KLF5: variants seen among roughly 807,000 people sequenced by gnomAD.
KLF5 encodes the protein Krueppel-like factor 5.
In KLF5, 9 loss-of-function variants were observed where a neutral mutation model predicts 36.9. That is an observed-to-expected ratio of 0.24 (90% CI 0.15 to 0.43). The LOEUF is 0.43. Ranked by LOEUF, KLF5 falls within the 20% of genes least tolerant of loss-of-function variation. The pLI is 1.00. For missense variants in KLF5, 524 were observed against 599.5 expected (o/e 0.87, Z 1.31); for synonymous variants, 246 against 241.7 (o/e 1.02, Z -0.17).
chr13:73,064,695 C>G (rs1260364061), intron 3 of KLF5, among the ~76,000 whole-genome samples: 1 of 152,138 alleles, frequency 6.6e-6, no homozygotes, highest in Non-Finnish European at 1.5e-5. Flanking sequence ...AGGCCCCCAC[C>G]ACCATGCCCA....
chr13:73,076,981 TA>T lies in KLF5; in HGVS notation c.*1097del, dbSNP rs1457701602. On this transcript the variant is annotated 3_prime_UTR_variant, in exon 4 of 4. Coordinates refer to ENST00000377687, the MANE Select transcript of KLF5 (RefSeq NM_001730.5). ...TATCTAAATTACAGTGCAGTTTAGT[TA>T]ATCTATTAATACTGACTCAGTGTCT... The T allele has an allele frequency of 6.6e-6, 1 of 152,560 alleles. No homozygotes were observed. The highest frequency in any genetic ancestry group is 1.5e-5 in the Non-Finnish European group (1 of 68,046). 9.5% of individuals were successfully genotyped at this position (152,560 alleles called of 1,614,324 possible). A position where few individuals can be genotyped will look rare whatever the true frequency, so the allele number is the denominator to read the frequency against.
upstream of KLF5, among the ~76,000 whole-genome samples, chr13:73,056,516 C>T (rs1594390078): frequency 6.6e-6 from 1 of 152,338 alleles, no homozygotes; most frequent in Middle Eastern, 3.4e-3. Context: ...AAATATTTAT[C>T]AAGTTTTAAC....
Position 73,077,258 on chromosome 13 carries a change from GT to G in KLF5, c.*1375del, listed in dbSNP as rs1420672522. 1.3e-5 allele frequency: 2 copies of G among 152,458 alleles called. No individual in the cohort carries two copies. Among genetic ancestry groups the G allele is most frequent in the Non-Finnish European group, 2.9e-5 (2 of 68,000 alleles). 9.4% of individuals were successfully genotyped at this position (152,458 alleles called of 1,614,324 possible). On this transcript the variant is annotated 3_prime_UTR_variant, in exon 4 of 4. Coordinates refer to ENST00000377687, the MANE Select transcript of KLF5 (RefSeq NM_001730.5). ...TCATAACTTGATAAATTATAGTTTT[GT>G]TTGTTAGAAAAGTTGCTCTTAAAAG...
At chr13:73,059,846 G>A in intron 1 of KLF5, 1 of 960,042 alleles carries the variant, frequency 1.0e-6, no homozygotes, top group Non-Finnish European at 1.2e-6. Context: ...AGAGGTAAGA[G>A]GGAGGGAACT....
chr13:73,056,061 T>C (rs2044581416), upstream of KLF5, among the ~76,000 whole-genome samples: 2 of 152,142 alleles, frequency 1.3e-5, no homozygotes, highest in East Asian at 3.9e-4. Context: ...GCTATTTATC[T>C]ATTTTTTTCC....
intron 3 of KLF5, among the ~76,000 whole-genome samples, chr13:73,066,669 GCTT>G (rs1420219813): frequency 1.3e-5 from 2 of 152,190 alleles, no homozygotes; most frequent in African/African-American, 4.8e-5. Context: ...GATTGGAAGT[GCTT>G]CTTTAACTTG....
At chr13:73,058,795 G>C (rs553404089), upstream of KLF5, 1 of 152,574 alleles carries the variant, frequency 6.6e-6, no homozygotes, top group Non-Finnish European at 1.5e-5. Context: ...AAACTGCGCG[G>C]CCGCCCTGCG....
chr13:73,066,507 G>A (rs1373684551), intron 3 of KLF5, among the ~76,000 whole-genome samples: 1 of 152,102 alleles, frequency 6.6e-6, no homozygotes, highest in Non-Finnish European at 1.5e-5. Context: ...TTAAATGATT[G>A]TCGTTTTACA....
At chr13:73,056,255 G>T (rs2044583061), upstream of KLF5, among the ~76,000 whole-genome samples, 1 of 152,138 alleles carries the variant, frequency 6.6e-6, no homozygotes, top group African/African-American at 2.4e-5. Context: ...TACCTAACTT[G>T]ACTACTCAAC....
In KLF5 at chr13:73,062,228, A is replaced by G; in HGVS notation, c.629A>G (p.Gln210Arg). Residue 210 changes from glutamine (Q) to arginine (R), a missense_variant, in exon 2 of 4, where the codon CAA becomes CGA. This residue lies in a region of KLF5 where 454 missense variants were observed against 458.1 expected (regional missense o/e 0.99). Transcript: ENST00000377687. ...GAGGTGAACAATATTTTCATCAAAC[A>G]AGAACTTCCTACACCAGATCTTCAT... ...APEVNNIFIK[Q>R]ELPTPDLHLS... The G allele has an allele frequency of 1.9e-6, 3 of 1,614,078 alleles. No individual in the cohort carries two copies. Among genetic ancestry groups the G allele is most frequent in the Non-Finnish European group, 2.5e-6 (3 of 1,180,006 alleles).
In KLF5 at chr13:73,059,366, A is replaced by C. The variant is rs2139099820; in HGVS notation, c.39A>C (p.Gly13=). The change falls in exon 1 of 4, where the codon GGA becomes GGC. Residue 13 remains glycine, a synonymous_variant. Transcript: ENST00000377687. ...TRVLSMSARL[G]PVPQPPAPQD... ...TGCTGAGCATGAGCGCCCGCCTGGG[A>C]CCCGTGCCCCAGCCGCCGGCGCCGC... 1 of 1,414,906 alleles carries C rather than the reference A, an allele frequency of 7.1e-7. No homozygotes were observed. The highest frequency in any genetic ancestry group is 9.2e-7 in the Non-Finnish European group (1 of 1,085,140). 87.6% of individuals were successfully genotyped at this position (1,414,906 alleles called of 1,614,324 possible).
At position 73,062,282 on chromosome 13, in the gene KLF5, T is replaced by C. The variant is rs2044642770; in HGVS notation, c.683T>C (p.Leu228Pro). ...TCTGTCCCTACCCAGCAGGGCCACC[T>C]GTACCAGCTACTGAATACACCGGAT... ...HLSVPTQQGH[L>P]YQLLNTPDLD... is the part of the protein sequence containing the mutation. The change falls in exon 2 of 4, where the codon CTG becomes CCG. Residue 228 changes from leucine to proline, a missense_variant. Around this residue, in one of 4 missense-constraint regions of KLF5, gnomAD observed 454 missense variants for 458.1 expected, o/e 0.99. Coordinates refer to ENST00000377687, the MANE Select transcript of KLF5 (RefSeq NM_001730.5). 3.1e-6 allele frequency: 5 copies of C among 1,614,140 alleles called. No homozygotes were observed. The East Asian group carries it at 6.7e-5, about 22-fold the overall frequency.
upstream of KLF5, among the ~76,000 whole-genome samples, chr13:73,055,364 G>A (rs902190027): frequency 6.6e-6 from 1 of 152,068 alleles, no homozygotes; most frequent in African/African-American, 2.4e-5. Flanking sequence ...TTAAATTGTT[G>A]TCTTAAGACA....
At chr13:73,068,087 C>T (rs1230568976) in intron 3 of KLF5, among the ~76,000 whole-genome samples, 25 of 151,818 alleles carry the variant, frequency 1.6e-4, no homozygotes, top group African/African-American at 4.6e-4. Flanking sequence ...ATGATCCACC[C>T]GCCCCAGCCT....
upstream of KLF5, among the ~76,000 whole-genome samples, chr13:73,058,619 T>A (rs2139098519): frequency 6.6e-6 from 1 of 152,340 alleles, no homozygotes; most frequent in Non-Finnish European, 1.5e-5. Flanking sequence ...GCACAACACC[T>A]AAGACGTGCA....
chr13:73,060,071 C>T (rs1464030075), intron 1 of KLF5, among the ~76,000 whole-genome samples: 2 of 148,990 alleles, frequency 1.3e-5, no homozygotes, highest in Non-Finnish European at 3.0e-5. Flanking sequence ...CCCGGTGGCT[C>T]AACCTGCTTT....
At chr13:73,056,703 T>C (rs1408896437), upstream of KLF5, among the ~76,000 whole-genome samples, 1 of 152,248 alleles carries the variant, frequency 6.6e-6, no homozygotes, top group Non-Finnish European at 1.5e-5. Flanking sequence ...AGTTATTTTC[T>C]GTGAGACTGC....
In KLF5 at chr13:73,063,817, AT is replaced by A; in HGVS notation, c.1136-3del. The A allele has an allele frequency of 6.3e-7, 1 of 1,591,044 alleles. No homozygotes were observed. The highest frequency in any genetic ancestry group is 8.6e-7 in the Non-Finnish European group (1 of 1,159,398). ...CCAAAATGACATGCTGTTCTCCTTTATTTTAGGTTGCACAAAAGTTTATACC... is the reference window on the plus strand; with the variant it reads ...CCAAAATGACATGCTGTTCTCCTTTATTTAGGTTGCACAAAAGTTTATACC... On this transcript the variant is annotated splice_polypyrimidine_tract_variant and splice_region_variant and intron_variant, in intron 2 of 3. Transcript: ENST00000377687.
rs200707995 is a variant in KLF5, at chr13:73,062,138, C to G, written c.539C>G (p.Pro180Arg). 1.2e-6 allele frequency: 2 copies of G among 1,614,106 alleles called. No homozygotes were observed. Among genetic ancestry groups the G allele is most frequent in the Non-Finnish European group, 8.5e-7 (1 of 1,180,020 alleles). ...SHQSETTAPP[P>R]APTQALPEFT... Reference sequence around the variant, plus strand: ...CAGAGTGAAACGACTGCCCCTCCTCCGGCCCCGACCCAGGCCCTCCCTGAG... The same window carrying G: ...CAGAGTGAAACGACTGCCCCTCCTCGGGCCCCGACCCAGGCCCTCCCTGAG... Residue 180 changes from proline to arginine, a missense_variant, in exon 2 of 4, where the codon CCG (proline) becomes CGG (arginine). Pro to Arg is a moderately radical substitution (Grantham distance 103). Transcript: ENST00000377687.
Sources: gnomAD v4.1 joint callset for allele counts (sites outside exome capture counted in the v4.1 genomes callset) on GRCh38, gnomAD v4.1.1 for gene constraint, gnomAD v4.1.1 regional missense constraint, MANE v1.5 for transcripts, NCBI Gene and HGNC (gene_info 2026-07-23, HGNC 2026-07-21) for gene names.